The following ZNF565 variants were observed in gnomAD, a reference collection of about 807,000 sequenced individuals.
The protein encoded by ZNF565 is zinc finger protein 565.
In ZNF565, 27 loss-of-function variants were observed where a neutral mutation model predicts 39.4. The ratio of observed to expected loss-of-function variants is 0.69; its 90% CI spans 0.51 to 0.95. The LOEUF (loss-of-function observed/expected upper bound fraction) is 0.95. ZNF565 is among the 40% of genes least tolerant of loss of function. The pLI is 0.00. For synonymous variants in ZNF565, 185 were observed against 216.6 expected, an observed-to-expected ratio of 0.85 and a Z score of 1.28; for missense variants, 524 against 621.1, an observed-to-expected ratio of 0.84 and a Z score of 1.66.
At chr19:36,185,122 A>AC (rs967349999) in intron 4 of ZNF565, among the ~76,000 whole-genome samples, 47 of 151,464 alleles carry the variant, frequency 3.1e-4, no homozygotes, top group African/African-American at 3.9e-4. Context: ...CATCTCAGAA[A>AC]AAAAAAAAAG....
upstream of ZNF565, among the ~76,000 whole-genome samples, chr19:36,217,066 T>C (rs1356360898): frequency 7.4e-6 from 1 of 134,626 alleles, no homozygotes; most frequent in East Asian, 2.2e-4. Context: ...TTTTTTTTTT[T>C]TTTTTTTTTT....
intron 1 of ZNF565, among the ~76,000 whole-genome samples, chr19:36,214,420 C>T: frequency 6.6e-6 from 1 of 152,288 alleles, no homozygotes; most frequent in East Asian, 1.9e-4. Context: ...CCGATACTCT[C>T]TATCACACAT....
intron 1 of ZNF565, among the ~76,000 whole-genome samples, chr19:36,242,868 G>A (rs534086092): frequency 1.3e-5 from 2 of 152,216 alleles, no homozygotes; most frequent in South Asian, 2.1e-4. Flanking sequence ...TCTTGACATG[G>A]TCATCTGCTG....
At chr19:36,213,613 T>G (rs1359772046) in intron 1 of ZNF565, among the ~76,000 whole-genome samples, 1 of 152,048 alleles carries the variant, frequency 6.6e-6, no homozygotes, top group Non-Finnish European at 1.5e-5. Context: ...CTAGAACTCC[T>G]GACCTCAGGT....
intron 4 of ZNF565, among the ~76,000 whole-genome samples, chr19:36,189,583 A>C (rs1267513817): frequency 6.6e-6 from 1 of 151,782 alleles, no homozygotes; most frequent in Non-Finnish European, 1.5e-5. Flanking sequence ...CAGCCTCCCA[A>C]AGTGCTGGGA....
chr19:36,194,089 T>C, intron 4 of ZNF565, 144 bp downstream of exon 4: 2 of 573,214 alleles, frequency 3.5e-6, no homozygotes, highest in South Asian at 5.9e-5. Context: ...CTGACGCTAA[T>C]AAAGTCTTTA....
In ZNF565 at chr19:36,183,066, G is replaced by A; in HGVS notation, c.900C>T (p.Ile300=). 3 of 1,614,110 alleles carry A rather than the reference G, an allele frequency of 1.9e-6. No individual in the cohort carries two copies. The highest frequency in any genetic ancestry group is 2.5e-6 in the Non-Finnish European group (3 of 1,180,018). Residue 300 remains isoleucine (I), a synonymous_variant, in exon 5 of 5, where the codon ATC becomes ATT. Transcript: ENST00000304116. Reference sequence around the variant, plus strand: ...ACTCATAGGGTCTGGCCCCTGTGTGGATTCTCCGATGCACAGTGAGTTGGG... The same window carrying A: ...ACTCATAGGGTCTGGCCCCTGTGTGAATTCTCCGATGCACAGTGAGTTGGG... The part of the protein sequence containing the change: ...RGSQLTVHRR[I]HTGARPYECK...
upstream of ZNF565, among the ~76,000 whole-genome samples, chr19:36,216,646 A>G (rs1976620649): frequency 6.6e-6 from 1 of 151,974 alleles, no homozygotes; most frequent in Admixed American, 6.6e-5. Context: ...CAAGAGCGAG[A>G]TTCCGTCTCA....
At chr19:36,230,220 A>G (rs1055358595) in intron 1 of ZNF565, among the ~76,000 whole-genome samples, 4 of 152,234 alleles carry the variant, frequency 2.6e-5, no homozygotes, top group African/African-American at 9.6e-5. Flanking sequence ...CATTGCTCTC[A>G]AAAGAAGTAA....
At chr19:36,201,057 T>C (rs1975945905) in intron 2 of ZNF565, among the ~76,000 whole-genome samples, 3 of 152,178 alleles carry the variant, frequency 2.0e-5, no homozygotes, top group Admixed American at 6.5e-5. Context: ...CTCATGCCTG[T>C]AATCCCAGTA....
intron 2 of ZNF565, among the ~76,000 whole-genome samples, chr19:36,200,159 G>A (rs533708629): frequency 6.6e-6 from 1 of 151,836 alleles, no homozygotes; most frequent in South Asian, 2.1e-4. Context: ...CTGAGCAGCT[G>A]GAATTATAGA....
chr19:36,240,040 A>G (rs1311593099), intron 1 of ZNF565, among the ~76,000 whole-genome samples: 3 of 152,140 alleles, frequency 2.0e-5, no homozygotes, highest in Non-Finnish European at 2.9e-5. Flanking sequence ...ATTATGATGT[A>G]CCCCATCTTT....
upstream of ZNF565, chr19:36,214,765 T>C (rs984012658): frequency 5.9e-5 from 9 of 152,638 alleles, no homozygotes; most frequent in African/African-American, 2.2e-4. Flanking sequence ...TGGCGTTCTC[T>C]TATCTCTGAG....
intron 1 of ZNF565, among the ~76,000 whole-genome samples, chr19:36,205,012 A>T (rs1298557460): frequency 1.3e-5 from 2 of 151,868 alleles, no homozygotes; most frequent in Non-Finnish European, 2.9e-5. Context: ...GAAAATGAAG[A>T]TGTATGAATG....
At chr19:36,233,246 A>G (rs541649928) in intron 1 of ZNF565, among the ~76,000 whole-genome samples, 1 of 152,166 alleles carries the variant, frequency 6.6e-6, no homozygotes, top group East Asian at 1.9e-4. Context: ...AGGCGTGGTG[A>G]TGCATGCCTG....
intron 4 of ZNF565, 24 bp from the exon 5 acceptor site, chr19:36,183,757 T>G: frequency 6.3e-7 from 1 of 1,582,886 alleles, no homozygotes; most frequent in Non-Finnish European, 8.6e-7. Context: ...AAAAGATAAA[T>G]ACAAGCTGTG....
At chr19:36,194,715 TA>T in intron 3 of ZNF565, 1 of 498,838 alleles carries the variant, frequency 2.0e-6, no homozygotes, top group Non-Finnish European at 3.7e-6. Context: ...CAGCTCACCG[TA>T]AGGACTGCAT....
intron 2 of ZNF565, among the ~76,000 whole-genome samples, chr19:36,197,225 T>C (rs1455603264): frequency 6.6e-6 from 1 of 152,076 alleles, no homozygotes; most frequent in Non-Finnish European, 1.5e-5. Flanking sequence ...TGAGCTGAGA[T>C]TGTGCTACTG....
chr19:36,236,723 A>G (rs1977657731), intron 1 of ZNF565: 1 of 1,614,080 alleles, frequency 6.2e-7, no homozygotes, highest in African/African-American at 1.3e-5. Flanking sequence ...GAAAATTCAC[A>G]CTGGAGAAAA....
Sources: gnomAD v4.1 joint callset for allele counts (sites outside exome capture counted in the v4.1 genomes callset) on GRCh38, gnomAD v4.1.1 for gene constraint, MANE v1.5 for transcripts, NCBI Gene and HGNC (gene_info 2026-07-23, HGNC 2026-07-21) for gene names.